Variants in ELOVL7 observed in about 807,000 individuals in gnomAD.
ELOVL7 encodes very long chain fatty acid elongase 7.
Under a neutral mutation model 35.7 loss-of-function variants are expected in ELOVL7, and 27 were observed. The ratio of observed to expected loss-of-function variants is 0.76; its 90% CI spans 0.56 to 1.04. The LOEUF is 1.04. ELOVL7 is among the 50% of genes least tolerant of loss of function. The probability of loss-of-function intolerance (pLI) is 0.00; values close to 1 mark genes in which losing one functional copy is unlikely to be tolerated. For missense variants in ELOVL7, 327 were observed against 340.8 expected, an observed-to-expected ratio of 0.96 and a Z score of 0.32; for synonymous variants, 113 against 114.6, an observed-to-expected ratio of 0.99 and a Z score of 0.09.
At chr5:60,784,955 G>C (rs1743485169) in intron 3 of ELOVL7, among the ~76,000 whole-genome samples, 1 of 152,166 alleles carries the variant, frequency 6.6e-6, no homozygotes, top group Admixed American at 6.5e-5. Flanking sequence ...TTTTATGTTG[G>C]GATACTTCCG....
intron 1 of ELOVL7, among the ~76,000 whole-genome samples, chr5:60,829,242 C>CT (rs1217577055): frequency 6.6e-6 from 1 of 151,942 alleles, no homozygotes; most frequent in South Asian, 2.1e-4. Flanking sequence ...TAGAGAAAAA[C>CT]TTTAACAACC....
intron 1 of ELOVL7, among the ~76,000 whole-genome samples, chr5:60,817,430 CT>C (rs1374386634): frequency 6.6e-6 from 1 of 151,434 alleles, no homozygotes; most frequent in Non-Finnish European, 1.5e-5. Context: ...ACCATAAAGT[CT>C]GATAACACAC....
intron 1 of ELOVL7, among the ~76,000 whole-genome samples, chr5:60,823,258 C>A (rs962056936): frequency 6.6e-6 from 1 of 151,970 alleles, no homozygotes; most frequent in Non-Finnish European, 1.5e-5. Flanking sequence ...ATACCTCCTC[C>A]GAGAAGGAAA....
At chr5:60,804,227 T>C (rs1180390650) in intron 1 of ELOVL7, among the ~76,000 whole-genome samples, 1 of 152,216 alleles carries the variant, frequency 6.6e-6, no homozygotes, top group African/African-American at 2.4e-5. Context: ...TGCTACTTAA[T>C]TGCGCTTATT....
At chr5:60,770,531 T>C (rs1040802897) in intron 4 of ELOVL7, among the ~76,000 whole-genome samples, 3 of 152,204 alleles carry the variant, frequency 2.0e-5, no homozygotes, top group African/African-American at 7.2e-5. Context: ...AAGACCATGC[T>C]AGGACCTTGT....
intron 5 of ELOVL7, 25 bp from the exon 6 acceptor site, chr5:60,766,655 ATTTATT>A (rs754155677): frequency 5.2e-5 from 83 of 1,597,376 alleles, no homozygotes; most frequent in Non-Finnish European, 6.7e-5. Context: ...ATAAATCTAA[ATTTATT>A]TTGTATATGG....
intron 2 of ELOVL7, among the ~76,000 whole-genome samples, chr5:60,795,287 A>G (rs181539963): frequency 3.3e-5 from 5 of 152,316 alleles, no homozygotes; most frequent in Admixed American, 2.0e-4. Flanking sequence ...TCCTAAGCCT[A>G]GCTGGGGAAG....
At chr5:60,810,587 C>T (rs1417984927) in intron 1 of ELOVL7, among the ~76,000 whole-genome samples, 1 of 152,192 alleles carries the variant, frequency 6.6e-6, no homozygotes, top group Non-Finnish European at 1.5e-5. Context: ...TTATATGTAA[C>T]CAGTACTGAT....
At chr5:60,780,598 T>C (rs556238295) in intron 3 of ELOVL7, among the ~76,000 whole-genome samples, 1 of 152,302 alleles carries the variant, frequency 6.6e-6, no homozygotes, top group East Asian at 1.9e-4. Flanking sequence ...ATACCCAAGA[T>C]TGGGTAATTT....
chr5:60,801,386 C>G (rs962100058), intron 1 of ELOVL7, among the ~76,000 whole-genome samples: 1 of 152,112 alleles, frequency 6.6e-6, no homozygotes, highest in Non-Finnish European at 1.5e-5. Flanking sequence ...TCCTTGCAGC[C>G]AATAGGGTCT....
At chr5:60,822,693 A>C (rs1014885927) in intron 1 of ELOVL7, among the ~76,000 whole-genome samples, 1 of 152,196 alleles carries the variant, frequency 6.6e-6, no homozygotes, top group Non-Finnish European at 1.5e-5. Flanking sequence ...TAGTGGTCTA[A>C]AGACAAACGC....
At chr5:60,791,368 G>A (rs745914477) in intron 2 of ELOVL7, among the ~76,000 whole-genome samples, 1 of 152,104 alleles carries the variant, frequency 6.6e-6, no homozygotes, top group East Asian at 1.9e-4. Context: ...CTTCAAAATG[G>A]GGGAGGAGGA....
At chr5:60,759,766 C>G (rs1219637443) in intron 7 of ELOVL7, among the ~76,000 whole-genome samples, 4 of 151,998 alleles carry the variant, frequency 2.6e-5, no homozygotes, top group Non-Finnish European at 5.9e-5. Context: ...TTAGGTATAT[C>G]TCCTAATGCT....
chr5:60,801,907 G>T (rs530091884), intron 1 of ELOVL7, among the ~76,000 whole-genome samples: 2 of 151,792 alleles, frequency 1.3e-5, no homozygotes, highest in South Asian at 4.2e-4. Context: ...CAGGCCTTTG[G>T]CCTCAGACTG....
intron 1 of ELOVL7, chr5:60,802,779 A>G (rs919452990): frequency 2.0e-5 from 3 of 152,232 alleles, no homozygotes; most frequent in Non-Finnish European, 4.4e-5. Context: ...CAAAGATACT[A>G]AACACCTAAC....
At chr5:60,769,150 C>T (rs770398300) in intron 4 of ELOVL7, among the ~76,000 whole-genome samples, 4 of 152,054 alleles carry the variant, frequency 2.6e-5, no homozygotes, top group Non-Finnish European at 4.4e-5. Context: ...AGATATTTCA[C>T]GAATGAGAAA....
chr5:60,768,571 G>A, intron 4 of ELOVL7: 1 of 404,910 alleles, frequency 2.5e-6, no homozygotes, highest in Non-Finnish European at 5.0e-6. Flanking sequence ...AGTGATCCAA[G>A]GCTGATGTGA....
chr5:60,768,909 T>C (rs1166261774), intron 4 of ELOVL7, among the ~76,000 whole-genome samples: 1 of 152,188 alleles, frequency 6.6e-6, no homozygotes, highest in Non-Finnish European at 1.5e-5. Flanking sequence ...ATTAGAACTT[T>C]ACAATTAATT....
At chr5:60,792,777 G>A (rs1005998969) in intron 2 of ELOVL7, among the ~76,000 whole-genome samples, 20 of 152,218 alleles carry the variant, frequency 1.3e-4, no homozygotes, top group Admixed American at 1.3e-3. Flanking sequence ...GACCCGAAAA[G>A]ACAATTTAGA....
Sources: gnomAD v4.1 joint callset for allele counts (sites outside exome capture counted in the v4.1 genomes callset) on GRCh38, gnomAD v4.1.1 for gene constraint, MANE v1.5 for transcripts, NCBI Gene and HGNC (gene_info 2026-07-23, HGNC 2026-07-21) for gene names.